The following CTNNA2 variants were observed in gnomAD, a reference collection of about 807,000 sequenced individuals.
CTNNA2 encodes the protein catenin alpha 2.
In CTNNA2, 42 loss-of-function variants were observed where a neutral mutation model predicts 101.0. The ratio of observed to expected loss-of-function variants is 0.42; its 90% CI spans 0.32 to 0.54. The LOEUF is 0.54. Among genes scored for constraint, CTNNA2 ranks in the 20% least tolerant of loss-of-function variants. CTNNA2 has a pLI of 0.14. For missense variants in CTNNA2, 871 were observed against 1,223.1 expected (o/e 0.71, Z 4.29); for synonymous variants, 450 against 456.4 (o/e 0.99, Z 0.18).
chr2:80,118,811 C>T (rs1019714218), intron 7 of CTNNA2, among the ~76,000 whole-genome samples: 3 of 152,206 alleles, frequency 2.0e-5, no homozygotes, highest in Admixed American at 2.0e-4. Flanking sequence ...GGGGCCCAGC[C>T]GAGGCAGCTT....
At chr2:79,247,143 C>T (rs1280419093) in intron 2 of CTNNA2, among the ~76,000 whole-genome samples, 1 of 152,152 alleles carries the variant, frequency 6.6e-6, no homozygotes, top group Non-Finnish European at 1.5e-5. Context: ...GAATTGTAGA[C>T]AAGGAGTCGT....
At chr2:79,227,719 TG>T (rs1206910506) in intron 2 of CTNNA2, among the ~76,000 whole-genome samples, 5 of 152,216 alleles carry the variant, frequency 3.3e-5, no homozygotes, top group South Asian at 2.1e-4. Context: ...AAAATGCTAA[TG>T]ATCATCTGAG....
intron 1 of CTNNA2, among the ~76,000 whole-genome samples, chr2:79,570,642 G>A (rs992353542): frequency 1.2e-4 from 18 of 151,996 alleles, no homozygotes; most frequent in Middle Eastern, 3.4e-3. Context: ...ATTTTATTGG[G>A]GGTATTCAGA....
chr2:79,642,765 A>G (rs1335073851), intron 1 of CTNNA2, among the ~76,000 whole-genome samples: 1 of 140,640 alleles, frequency 7.1e-6, no homozygotes, highest in Non-Finnish European at 1.5e-5. Flanking sequence ...TAATAATACA[A>G]AAGATTTCTC....
intron 2 of CTNNA2, among the ~76,000 whole-genome samples, chr2:79,737,158 G>A (rs1443548674): frequency 2.0e-5 from 3 of 152,202 alleles, no homozygotes; most frequent in Non-Finnish European, 2.9e-5. Context: ...GACCAGCCTG[G>A]CCAACATGGC....
At chr2:79,972,124 T>C (rs1690529972) in intron 7 of CTNNA2, among the ~76,000 whole-genome samples, 2 of 152,320 alleles carry the variant, frequency 1.3e-5, no homozygotes, top group South Asian at 2.1e-4. Flanking sequence ...AGAACATGAA[T>C]ACTGGCAGGC....
At chr2:80,617,733 T>C (rs1698972970) in intron 17 of CTNNA2, among the ~76,000 whole-genome samples, 1 of 151,866 alleles carries the variant, frequency 6.6e-6, no homozygotes, top group South Asian at 2.1e-4. Flanking sequence ...TTTTGCTTAA[T>C]TTTAAATTGC....
rs186056479 is a variant in CTNNA2 at position 79,810,295 on chromosome 2, G to A, written c.299-47718G>A. ...AGGCAAAAGGTCTTACATCACAGTT[G>A]GCGAGGGAGAATGAGAGCCAAGCGA... On this transcript the variant is annotated intron_variant, in intron 3 of 18. Transcript: ENST00000402739. Among the ~76,000 whole-genome samples the A allele has an allele frequency of 1.8e-4, 28 of 152,198 alleles. No homozygotes were observed. In the East Asian group the frequency reaches 5.1e-3, roughly 27 times the overall value.
At chr2:79,422,497 T>C (rs1238723366) in intron 4 of CTNNA2, among the ~76,000 whole-genome samples, 1 of 152,156 alleles carries the variant, frequency 6.6e-6, no homozygotes, top group African/African-American at 2.4e-5. Flanking sequence ...GACAAATGTA[T>C]GCTAGAGGGA....
intron 2 of CTNNA2, among the ~76,000 whole-genome samples, chr2:79,223,489 A>G (rs1674371515): frequency 6.6e-6 from 1 of 152,162 alleles, no homozygotes; most frequent in South Asian, 2.1e-4. Flanking sequence ...AGTGGAGACC[A>G]TGTTTTCCCA....
intron 16 of CTNNA2, among the ~76,000 whole-genome samples, chr2:80,607,143 G>A (rs1285732329): frequency 2.0e-5 from 3 of 151,788 alleles, no homozygotes; most frequent in Non-Finnish European, 4.4e-5. Context: ...TGAGCTTGAG[G>A]GAAACTTAGC....
chr2:80,581,683 G>T, intron 13 of CTNNA2, 23 bp from the exon 14 acceptor site: 2 of 1,431,074 alleles, frequency 1.4e-6, no homozygotes, highest in South Asian at 2.3e-5. Context: ...TAAGTATGCT[G>T]ACTTATATCT....
intron 7 of CTNNA2, among the ~76,000 whole-genome samples, chr2:79,954,919 G>C (rs747783246): frequency 9.9e-5 from 15 of 152,190 alleles, no homozygotes; most frequent in Middle Eastern, 6.8e-3. Flanking sequence ...GAGTTGGTTG[G>C]GAGCAGTACA....
At chr2:80,390,514 A>G (rs1056700975) in intron 7 of CTNNA2, among the ~76,000 whole-genome samples, 2 of 152,218 alleles carry the variant, frequency 1.3e-5, no homozygotes, top group African/African-American at 4.8e-5. Flanking sequence ...TGGGGCAACC[A>G]AGCCTCCCAA....
intron 2 of CTNNA2, among the ~76,000 whole-genome samples, chr2:79,295,741 C>T (rs2104385791): frequency 6.6e-6 from 1 of 152,184 alleles, no homozygotes; most frequent in African/African-American, 2.4e-5. Flanking sequence ...CCCTCCATTC[C>T]AATCTCTCTG....
intron 7 of CTNNA2, among the ~76,000 whole-genome samples, chr2:80,140,536 G>A (rs1189972788): frequency 6.6e-6 from 1 of 152,106 alleles, no homozygotes; most frequent in Non-Finnish European, 1.5e-5. Context: ...AGAGGTGCTT[G>A]TACGTCCCAC....
chr2:80,642,571 A>G (rs1558672679), intron 18 of CTNNA2, among the ~76,000 whole-genome samples: 2 of 152,176 alleles, frequency 1.3e-5, no homozygotes, highest in Non-Finnish European at 2.9e-5. Flanking sequence ...TGATAATTCA[A>G]CATTTCAAGA....
At chr2:79,870,884 C>T (rs1682537902) in intron 5 of CTNNA2, among the ~76,000 whole-genome samples, 1 of 152,120 alleles carries the variant, frequency 6.6e-6, no homozygotes, top group African/African-American at 2.4e-5. Flanking sequence ...AGGTCCCTCC[C>T]TCCACATGTG....
intron 7 of CTNNA2, among the ~76,000 whole-genome samples, chr2:80,039,947 A>C (rs1297229442): frequency 2.0e-5 from 3 of 152,254 alleles, no homozygotes; most frequent in Non-Finnish European, 4.4e-5. Context: ...ACTTCTGGTT[A>C]AATGCTGAAT....
Sources: allele counts gnomAD v4.1 joint callset (sites outside exome capture counted in the v4.1 genomes callset), GRCh38; gene constraint gnomAD v4.1.1; transcripts MANE v1.5; gene names NCBI Gene and HGNC (gene_info 2026-07-23, HGNC 2026-07-21).